Variants in SDK1 observed in about 807,000 individuals in gnomAD.
SDK1 encodes the protein protein sidekick-1.
Under a neutral mutation model 245.5 loss-of-function variants are expected in SDK1, and 157 were observed. The observed-to-expected ratio is 0.64, with a 90% CI of 0.56 to 0.73. SDK1 has a LOEUF of 0.73. Ranked by LOEUF, SDK1 falls within the 30% of genes least tolerant of loss-of-function variation. The pLI, the probability that SDK1 is intolerant of heterozygous loss-of-function variation, is 0.00. For missense variants in SDK1, 3,583 were observed against 3,002.3 expected (o/e 1.19, Z -4.52); for synonymous variants, 1,647 against 1,278.5 (o/e 1.29, Z -6.15).
At chr7:4,260,217 T>G (rs1253853601) in intron 44 of SDK1, among the ~76,000 whole-genome samples, 21 of 134,486 alleles carry the variant, frequency 1.6e-4, no homozygotes, top group Admixed American at 2.9e-4. Flanking sequence ...CCGGGGCCTC[T>G]GTGTGTGTGG....
chr7:4,222,951 G>T (rs1785224383), intron 40 of SDK1, among the ~76,000 whole-genome samples: 1 of 152,072 alleles, frequency 6.6e-6, no homozygotes, highest in Non-Finnish European at 1.5e-5. Flanking sequence ...AGGCCAAGGG[G>T]GAGGGAGCTG....
At chr7:4,222,245 C>T (rs1021071548) in intron 40 of SDK1, among the ~76,000 whole-genome samples, 1 of 152,206 alleles carries the variant, frequency 6.6e-6, no homozygotes, top group South Asian at 2.1e-4. Context: ...CCTCCTCCCC[C>T]ACCAAATTGC....
At chr7:3,405,346 C>T (rs1779021896) in intron 1 of SDK1, among the ~76,000 whole-genome samples, 1 of 152,036 alleles carries the variant, frequency 6.6e-6, no homozygotes, top group African/African-American at 2.4e-5. Context: ...AGATTCAGAG[C>T]CTTATCACTG....
intron 4 of SDK1, among the ~76,000 whole-genome samples, chr7:3,644,180 G>A (rs1388275367): frequency 1.3e-5 from 2 of 150,350 alleles, no homozygotes; most frequent in Non-Finnish European, 3.0e-5. Context: ...GGGATTACAG[G>A]CATGAGCCAC....
intron 4 of SDK1, among the ~76,000 whole-genome samples, chr7:3,727,379 G>A (rs779019152): frequency 6.6e-6 from 1 of 152,100 alleles, no homozygotes; most frequent in Admixed American, 6.5e-5. Flanking sequence ...GTCTGATGTT[G>A]GATTTATCAT....
At chr7:3,644,655 A>G (rs138515803) in intron 4 of SDK1, among the ~76,000 whole-genome samples, 145 of 149,414 alleles carry the variant, frequency 9.7e-4, no homozygotes, top group African/African-American at 2.3e-3. Flanking sequence ...ATTTCTAGCT[A>G]TTTGCTACTT....
intron 1 of SDK1, among the ~76,000 whole-genome samples, chr7:3,564,869 A>C (rs1044250464): frequency 2.6e-5 from 4 of 152,148 alleles, no homozygotes; most frequent in African/African-American, 7.2e-5. Flanking sequence ...CCTCGATTAC[A>C]GTACCTGTGA....
At chr7:3,825,330 A>G (rs868663880) in intron 5 of SDK1, among the ~76,000 whole-genome samples, 8 of 151,716 alleles carry the variant, frequency 5.3e-5, no homozygotes, top group Admixed American at 6.6e-5. Context: ...AAAAAAAAAA[A>G]AAAAAAAAAA....
chr7:3,434,233 A>T (rs1240262577), intron 1 of SDK1, among the ~76,000 whole-genome samples: 1 of 152,208 alleles, frequency 6.6e-6, no homozygotes, highest in Non-Finnish European at 1.5e-5. Flanking sequence ...GATGGAGAGA[A>T]GATTAGGAAA....
At chr7:3,825,018 G>A (rs1025899702) in intron 5 of SDK1, among the ~76,000 whole-genome samples, 1 of 152,082 alleles carries the variant, frequency 6.6e-6, no homozygotes, top group Admixed American at 6.5e-5. Context: ...TCCCAGGGGT[G>A]GATCCACTTT....
rs73296260 is a variant in SDK1 at position 3,552,784 on chromosome 7, A to G, written c.299-66296A>G. On this transcript the variant is annotated intron_variant, in intron 1 of 44. Transcript: ENST00000404826. ...AAATAATCATTACCTTCTCAGAACA[A>G]AGCAGCAGCAGTTAAATGCTTTTGC... Among the ~76,000 whole-genome samples, 1,320 of 152,348 alleles carry G rather than the reference A, an allele frequency of 8.7e-3. 24 individuals are homozygous for G. The highest frequency in any genetic ancestry group is 0.03 in the African/African-American group (1,239 of 41,574).
chr7:3,340,500 C>T (rs189444721), intron 1 of SDK1, among the ~76,000 whole-genome samples: 1 of 152,194 alleles, frequency 6.6e-6, no homozygotes, highest in African/African-American at 2.4e-5. Flanking sequence ...TGGTGGCTCA[C>T]GCCTGTAATC....
At chr7:3,664,526 G>A (rs1017051132) in intron 4 of SDK1, among the ~76,000 whole-genome samples, 3 of 152,086 alleles carry the variant, frequency 2.0e-5, no homozygotes, top group Non-Finnish European at 4.4e-5. Flanking sequence ...ATCACTTGAG[G>A]TTAGGAGATC....
chr7:3,633,069 A>G (rs2128648742), intron 2 of SDK1, among the ~76,000 whole-genome samples: 1 of 152,308 alleles, frequency 6.6e-6, no homozygotes, highest in South Asian at 2.1e-4. Flanking sequence ...TTTTACCTTA[A>G]CCCATATTTT....
At chr7:3,909,510 G>A (rs1779080198) in intron 5 of SDK1, among the ~76,000 whole-genome samples, 1 of 152,154 alleles carries the variant, frequency 6.6e-6, no homozygotes, top group South Asian at 2.1e-4. Context: ...TTATGCTTCT[G>A]CTGATCCCTA....
At position 4,149,310 on chromosome 7, in the gene SDK1, C is replaced by A. The variant is rs774968624; in HGVS notation, c.4472C>A (p.Thr1491Asn). ...RELLVPQAEV[T>N]ARSLRLQWVP... ...CTCCTGGTGCCCCAGGCAGAAGTGACCGCACGCAGCCTCCGGCTCCAGTGG... is the reference window on the plus strand; with the variant it reads ...CTCCTGGTGCCCCAGGCAGAAGTGAACGCACGCAGCCTCCGGCTCCAGTGG... The change falls in exon 30 of 45, where the codon ACC (threonine) becomes AAC (asparagine). Residue 1491 changes from threonine to asparagine, a missense_variant. Transcript: ENST00000404826. The A allele has an allele frequency of 2.5e-6, 4 of 1,586,498 alleles. No homozygotes were observed. Among genetic ancestry groups the A allele is most frequent in the Non-Finnish European group, 3.4e-6 (4 of 1,166,400 alleles).
At chr7:3,971,347 GC>G in intron 11 of SDK1, 118 bp from the exon 12 acceptor site, 1 of 699,236 alleles carries the variant, frequency 1.4e-6, no homozygotes, top group Non-Finnish European at 2.6e-6. Flanking sequence ...CACTCATTCT[GC>G]CAAGATGAGA....
intron 5 of SDK1, among the ~76,000 whole-genome samples, chr7:3,924,717 A>G (rs1411515131): frequency 2.0e-5 from 3 of 152,116 alleles, no homozygotes; most frequent in South Asian, 2.1e-4. Context: ...CTGGCATGCT[A>G]ATTTTCAGGT....
chr7:4,253,834 A>G (rs1198141926), intron 44 of SDK1, among the ~76,000 whole-genome samples: 1 of 152,070 alleles, frequency 6.6e-6, no homozygotes, highest in Non-Finnish European at 1.5e-5. Context: ...TATCTTCTTG[A>G]TATATTTACC....
Sources: gnomAD v4.1 joint callset for allele counts (sites outside exome capture counted in the v4.1 genomes callset) on GRCh38, gnomAD v4.1.1 for gene constraint, MANE v1.5 for transcripts, NCBI Gene and HGNC (gene_info 2026-07-23, HGNC 2026-07-21) for gene names.